GARIN2: variants seen among roughly 807,000 people sequenced by gnomAD.
GARIN2 encodes Golgi-associated RAB2 interactor protein 2.
At chr14:67,206,045 A>G in the GARIN2 span, among the ~76,000 whole-genome samples, 1 of 152,094 alleles carries the variant, frequency 6.6e-6, no homozygotes, top group Non-Finnish European at 1.5e-5. Flanking sequence ...TTAGCTGGCC[A>G]TGGTGGTGTA....
chr14:67,196,569 G>A, the GARIN2 span, among the ~76,000 whole-genome samples: 1 of 152,166 alleles, frequency 6.6e-6, no homozygotes, highest in Non-Finnish European at 1.5e-5. Context: ...AGGTTTTCAG[G>A]TAATCGTAAG....
chr14:67,222,676 G>A, the GARIN2 span, among the ~76,000 whole-genome samples: 2 of 152,130 alleles, frequency 1.3e-5, no homozygotes, highest in South Asian at 2.1e-4. Context: ...CTTTTAATGT[G>A]GAGGTTGTCT....
the GARIN2 span, chr14:67,221,715 G>T: frequency 1.3e-6 from 2 of 1,592,248 alleles, no homozygotes; most frequent in Non-Finnish European, 1.7e-6. Flanking sequence ...ATATCTAGTA[G>T]ATCTTTTCTA....
At chr14:67,223,129 A>G in the GARIN2 span, among the ~76,000 whole-genome samples, 3 of 151,752 alleles carry the variant, frequency 2.0e-5, no homozygotes, top group Admixed American at 6.6e-5. Context: ...CCTCCCAAGT[A>G]GCTGGGATTA....
chr14:67,194,600 G>C, the GARIN2 span, among the ~76,000 whole-genome samples: 2 of 152,034 alleles, frequency 1.3e-5, no homozygotes. Context: ...CCGCCTCCCG[G>C]GTTCAAGAGA....
chr14:67,224,080 C>A, the GARIN2 span: 1 of 817,274 alleles, frequency 1.2e-6, no homozygotes, highest in Non-Finnish European at 1.5e-6. Flanking sequence ...ACCATGATCT[C>A]AAATTCATCT....
chr14:67,216,823 G>A, the GARIN2 span, among the ~76,000 whole-genome samples: 1 of 152,118 alleles, frequency 6.6e-6, no homozygotes, highest in East Asian at 1.9e-4. Context: ...TTTGTTTTGT[G>A]TCCTAACATA....
chr14:67,211,264 G>A, the GARIN2 span, among the ~76,000 whole-genome samples: 1 of 152,108 alleles, frequency 6.6e-6, no homozygotes, highest in Admixed American at 6.5e-5. Context: ...ATATAGGTGG[G>A]AGGAAGGAAG....
the GARIN2 span, among the ~76,000 whole-genome samples, chr14:67,191,827 T>G: frequency 2.0e-5 from 3 of 152,296 alleles, no homozygotes; most frequent in East Asian, 5.8e-4. Flanking sequence ...TGTAATCAGA[T>G]TTAATAAGGA....
At chr14:67,223,833 T>C in the GARIN2 span, 1 of 985,794 alleles carries the variant, frequency 1.0e-6, no homozygotes, top group South Asian at 4.7e-5. Context: ...CTGTTCCCCT[T>C]CCATACACTT....
chr14:67,221,437 C>T, the GARIN2 span, among the ~76,000 whole-genome samples: 3 of 152,198 alleles, frequency 2.0e-5, no homozygotes, highest in Non-Finnish European at 2.9e-5. Context: ...CAGTTAACTT[C>T]TCTCAGCCTG....
chr14:67,204,766 A>C, the GARIN2 span: 37,427 of 1,613,990 alleles, frequency 0.023, 595 homozygotes, highest in Middle Eastern at 0.033. Flanking sequence ...TACGAATAGC[A>C]CAGACATCAC....
chr14:67,201,615 G>A, the GARIN2 span: 1 of 446,836 alleles, frequency 2.2e-6, no homozygotes, highest in African/African-American at 2.0e-5. Context: ...CTGGCAAGGG[G>A]TGTGGAGTGG....
At chr14:67,222,677 GAGGTTGTCTTATAGGCACCTCTTAT>G in the GARIN2 span, among the ~76,000 whole-genome samples, 6 of 152,142 alleles carry the variant, frequency 3.9e-5, no homozygotes, top group African/African-American at 7.2e-5. Context: ...TTTTAATGTG[GAGGTTGTCTTATAGGCACCTCTTAT>G]AGGTTGTCTT....
the GARIN2 span, chr14:67,224,043 A>C: frequency 1.1e-6 from 1 of 936,874 alleles, no homozygotes; most frequent in African/African-American, 1.8e-5. Flanking sequence ...CATCTGATTC[A>C]CATTCACCCA....
At chr14:67,225,298 A>G in the GARIN2 span, 2 of 1,391,980 alleles carry the variant, frequency 1.4e-6, no homozygotes, top group Non-Finnish European at 1.9e-6. Flanking sequence ...CTATAGGAAT[A>G]CATGATAGCT....
the GARIN2 span, chr14:67,204,562 C>G: frequency 1.9e-6 from 3 of 1,613,490 alleles, no homozygotes; most frequent in Non-Finnish European, 2.5e-6. Context: ...GTTTGTGACT[C>G]TTTCTGTGCA....
At chr14:67,205,044 G>T in the GARIN2 span, 47 of 1,551,670 alleles carry the variant, frequency 3.0e-5, no homozygotes, top group Non-Finnish European at 4.0e-5. Flanking sequence ...GAGTCACAGT[G>T]GTGTTTGAAA....
At chr14:67,208,552 C>A in the GARIN2 span, 2 of 1,215,008 alleles carry the variant, frequency 1.6e-6, no homozygotes, top group South Asian at 1.6e-5. Context: ...ACTGAAGATT[C>A]TCAGAGACAG....
Sources: gnomAD v4.1 joint callset for allele counts (sites outside exome capture counted in the v4.1 genomes callset) on GRCh38, gnomAD v4.1.1 for gene constraint, MANE v1.5 for transcripts, NCBI Gene and HGNC (gene_info 2026-07-23, HGNC 2026-07-21) for gene names.